SDK1: variants seen among roughly 807,000 people sequenced by gnomAD.
The protein encoded by SDK1 is sidekick cell adhesion molecule 1, also known as protein sidekick-1.
A neutral mutation model predicts 245.5 loss-of-function variants in SDK1; 157 were observed. That is an observed-to-expected ratio of 0.64 (90% confidence interval 0.56 to 0.73). The LOEUF (loss-of-function observed/expected upper bound fraction) is 0.73. SDK1 is among the 30% of genes least tolerant of loss of function. SDK1 has a pLI of 0.00. For synonymous variants in SDK1, 1,647 were observed against 1,278.5 expected, an observed-to-expected ratio of 1.29 and a Z score of -6.15; for missense variants, 3,583 against 3,002.3, an observed-to-expected ratio of 1.19 and a Z score of -4.52.
chr7:4,088,488 T>A (rs1781568187), intron 22 of SDK1, among the ~76,000 whole-genome samples: 2 of 152,134 alleles, frequency 1.3e-5, no homozygotes, highest in South Asian at 2.1e-4. Flanking sequence ...GTAGGCTTTT[T>A]AAAAAATATA....
chr7:3,370,259 G>C (rs1051676870), intron 1 of SDK1, among the ~76,000 whole-genome samples: 1 of 152,162 alleles, frequency 6.6e-6, no homozygotes, highest in South Asian at 2.1e-4. Context: ...GACAAGTGGT[G>C]TTTTTCAGAC....
At chr7:3,352,848 G>A (rs373965077) in intron 1 of SDK1, among the ~76,000 whole-genome samples, 2 of 151,974 alleles carry the variant, frequency 1.3e-5, no homozygotes, top group African/African-American at 4.8e-5. Flanking sequence ...GAGGAAATGA[G>A]TTCTGTCCTG....
chr7:4,089,743 G>A (rs994931990), intron 22 of SDK1, among the ~76,000 whole-genome samples: 2 of 152,192 alleles, frequency 1.3e-5, no homozygotes, highest in Non-Finnish European at 2.9e-5. Context: ...TCCCTTGAAG[G>A]GTAATCTTTC....
At chr7:3,314,002 T>C (rs939660703) in intron 1 of SDK1, among the ~76,000 whole-genome samples, 1 of 152,216 alleles carries the variant, frequency 6.6e-6, no homozygotes, top group Non-Finnish European at 1.5e-5. Flanking sequence ...GTTAAAGGTA[T>C]AGTGATCAAT....
At chr7:3,929,397 T>C (rs1048242019) in intron 5 of SDK1, among the ~76,000 whole-genome samples, 13 of 152,338 alleles carry the variant, frequency 8.5e-5, no homozygotes, top group African/African-American at 3.1e-4. Flanking sequence ...TGCTTATGTC[T>C]TTCTCACACC....
intron 1 of SDK1, among the ~76,000 whole-genome samples, chr7:3,407,817 AGG>A (rs1415264263): frequency 6.6e-6 from 1 of 152,138 alleles, no homozygotes; most frequent in African/African-American, 2.4e-5. Flanking sequence ...TGTGGCAGAG[AGG>A]GCCTTGAAAA....
intron 22 of SDK1, among the ~76,000 whole-genome samples, chr7:4,099,432 G>A (rs996737211): frequency 2.1e-5 from 3 of 140,334 alleles, no homozygotes; most frequent in East Asian, 2.2e-4. Context: ...GGGAAGGGCC[G>A]GGCCAGGCAA....
In SDK1 at chr7:3,723,879, C is replaced by CAT. The variant is rs573871877; in HGVS notation, c.713+81784_713+81785dup. Among the ~76,000 whole-genome samples the CAT allele has an allele frequency of 7.9e-3, 946 of 119,502 alleles. 44 individuals carry two copies. Among genetic ancestry groups the CAT allele is most frequent in the South Asian group, 0.07 (267 of 3,818 alleles). 78.4% of individuals were successfully genotyped at this position (119,502 alleles called of 152,430 possible). A position where few individuals can be genotyped will look rare whatever the true frequency, so the allele number is the denominator to read the frequency against. On this transcript the variant is annotated intron_variant, in intron 4 of 44. Transcript: ENST00000404826. ...ACATATACACGTGTATATACACGTA[C>CAT]ATATATATATACACGTGTATATACA...
At chr7:3,482,759 C>T (rs1383944879) in intron 1 of SDK1, among the ~76,000 whole-genome samples, 1 of 152,162 alleles carries the variant, frequency 6.6e-6, no homozygotes, top group African/African-American at 2.4e-5. Context: ...GCAGCTTCCA[C>T]CCAATATTCA....
intron 5 of SDK1, among the ~76,000 whole-genome samples, chr7:3,886,227 C>T (rs975786527): frequency 1.3e-5 from 2 of 152,108 alleles, no homozygotes; most frequent in Admixed American, 6.5e-5. Context: ...TGCTGCACAT[C>T]GGGGATTCTA....
At chr7:3,377,261 T>A (rs1041872100) in intron 1 of SDK1, among the ~76,000 whole-genome samples, 6 of 152,150 alleles carry the variant, frequency 3.9e-5, no homozygotes, top group African/African-American at 1.4e-4. Context: ...TTCCCTCCCA[T>A]GCTTTAAGAT....
intron 17 of SDK1, among the ~76,000 whole-genome samples, chr7:4,021,231 G>C (rs966003119): frequency 6.6e-6 from 1 of 152,172 alleles, no homozygotes; most frequent in African/African-American, 2.4e-5. Context: ...GCAGGAAGTA[G>C]AAAAGAAATC....
At chr7:3,942,639 T>C (rs1396104194) in intron 5 of SDK1, among the ~76,000 whole-genome samples, 1 of 152,200 alleles carries the variant, frequency 6.6e-6, no homozygotes, top group Non-Finnish European at 1.5e-5. Context: ...CCAATTATTT[T>C]TGGAGCAGGA....
chr7:3,363,054 C>G (rs1318330503), intron 1 of SDK1, among the ~76,000 whole-genome samples: 1 of 152,138 alleles, frequency 6.6e-6, no homozygotes, highest in Non-Finnish European at 1.5e-5. Context: ...AGGATATTGA[C>G]TTTAGTACAG....
At chr7:3,814,299 AG>A (rs1321486194) in intron 4 of SDK1, among the ~76,000 whole-genome samples, 3 of 149,298 alleles carry the variant, frequency 2.0e-5, no homozygotes, top group Admixed American at 2.0e-4. Flanking sequence ...ATAAGGTGTA[AG>A]GAAGGGATCC....
At chr7:4,212,464 C>T (rs569276083) in intron 38 of SDK1, among the ~76,000 whole-genome samples, 3 of 152,080 alleles carry the variant, frequency 2.0e-5, no homozygotes, top group Admixed American at 6.5e-5. Context: ...TGGTAAATAA[C>T]AGTAGAGGTG....
intron 1 of SDK1, among the ~76,000 whole-genome samples, chr7:3,579,642 C>T (rs557234945): frequency 6.6e-6 from 1 of 152,182 alleles, no homozygotes; most frequent in Non-Finnish European, 1.5e-5. Flanking sequence ...CTCACCAATC[C>T]TATTCAAGAT....
rs183110815 is a variant in SDK1, at chr7:3,532,497, C to T, written c.299-86583C>T. Reference sequence around the variant, plus strand: ...CCTCTTCATGGTGGAGTAAATTGAGCCCTGAGAGTATCATGGGAATCACTC... The same window carrying T: ...CCTCTTCATGGTGGAGTAAATTGAGTCCTGAGAGTATCATGGGAATCACTC... On this transcript the variant is annotated intron_variant, in intron 1 of 44. Transcript: ENST00000404826. 3.9e-3 allele frequency among the ~76,000 whole-genome samples: 600 copies of T among 152,194 alleles called. 4 individuals carry two copies. Among genetic ancestry groups the T allele is most frequent in the Non-Finnish European group, 6.7e-3 (454 of 68,002 alleles).
At chr7:3,859,029 AT>A (rs11464570) in intron 5 of SDK1, among the ~76,000 whole-genome samples, 1 of 150,838 alleles carries the variant, frequency 6.6e-6, no homozygotes, top group East Asian at 2.0e-4. Flanking sequence ...TGCCCGGCTA[AT>A]TTTTTGTATT....
Sources: allele counts gnomAD v4.1 joint callset (sites outside exome capture counted in the v4.1 genomes callset), GRCh38; gene constraint gnomAD v4.1.1; transcripts MANE v1.5; gene names NCBI Gene and HGNC (gene_info 2026-07-23, HGNC 2026-07-21).